Variants in PSEN1 observed in about 807,000 individuals in gnomAD.
PSEN1 encodes presenilin-1.
Under a neutral mutation model 53.5 loss-of-function variants are expected in PSEN1, and 15 were observed. The ratio of observed to expected loss-of-function variants is 0.28; its 90% CI spans 0.19 to 0.43. PSEN1 has a LOEUF of 0.43. PSEN1 is among the 20% of genes least tolerant of loss of function. The pLI, the probability that PSEN1 is intolerant of heterozygous loss-of-function variation, is 1.00. For missense variants in PSEN1, 387 were observed against 571.2 expected (o/e 0.68, Z 3.29); for synonymous variants, 208 against 209.8 (o/e 0.99, Z 0.08).
chr14:73,203,376 C>T (rs1899310773), intron 8 of PSEN1, among the ~76,000 whole-genome samples: 1 of 152,200 alleles, frequency 6.6e-6, no homozygotes, highest in Admixed American at 6.5e-5. Flanking sequence ...GCATGAGCCA[C>T]CGCACCTGGC....
At chr14:73,179,560 T>G (rs1251648027) in intron 5 of PSEN1, among the ~76,000 whole-genome samples, 1 of 152,120 alleles carries the variant, frequency 6.6e-6, no homozygotes, top group African/African-American at 2.4e-5. Flanking sequence ...GAGGTTGCAG[T>G]GAGCCAAGAT....
In PSEN1 at chr14:73,222,588, G is replaced by T. The variant is rs1436539726; in HGVS notation, c.*3299G>T. On this transcript the variant is annotated 3_prime_UTR_variant, in exon 12 of 12. Transcript: ENST00000324501. ...CTCAGAAACCACTATGAAAAAATTT[G>T]TTCAGTGTTTTCTGTGTTCCCGTAG... 1.3e-5 allele frequency: 2 copies of T among 152,218 alleles called. No individual in the cohort carries two copies. Among genetic ancestry groups the T allele is most frequent in the Non-Finnish European group, 2.9e-5 (2 of 68,044 alleles). 9.4% of individuals were successfully genotyped at this position (152,218 alleles called of 1,614,324 possible).
intron 4 of PSEN1, among the ~76,000 whole-genome samples, chr14:73,173,325 A>G (rs1191047361): frequency 1.3e-5 from 2 of 152,240 alleles, no homozygotes; most frequent in African/African-American, 4.8e-5. Flanking sequence ...AGATGGAGCC[A>G]GTGTCTGCTT....
chr14:73,192,888 G>T, intron 7 of PSEN1, 24 bp downstream of exon 7: 2 of 1,556,952 alleles, frequency 1.3e-6, no homozygotes, highest in Non-Finnish European at 1.8e-6. Context: ...CTGATAATTT[G>T]TTTGTCACAG....
At chr14:73,149,440 A>G (rs967498891) in intron 3 of PSEN1, among the ~76,000 whole-genome samples, 4 of 152,190 alleles carry the variant, frequency 2.6e-5, no homozygotes, top group African/African-American at 7.2e-5. Context: ...CAAGATCTGT[A>G]GAGGATTAGT....
chr14:73,141,936 G>A (rs562290636), intron 1 of PSEN1, among the ~76,000 whole-genome samples: 10 of 151,974 alleles, frequency 6.6e-5, no homozygotes, highest in Admixed American at 3.3e-4. Flanking sequence ...GCGTGGTGGC[G>A]GGCACCTGTA....
At chr14:73,197,898 A>C in intron 7 of PSEN1, 133 bp from the exon 8 acceptor site, 1 of 645,264 alleles carries the variant, frequency 1.5e-6, no homozygotes, top group Non-Finnish European at 2.8e-6. Context: ...TTTCATATTC[A>C]TTCAACGTCT....
In PSEN1 at chr14:73,155,954, G is replaced by A. The variant is rs149978366; in HGVS notation, c.87+7848G>A. 6.0e-3 allele frequency among the ~76,000 whole-genome samples: 909 copies of A among 152,286 alleles called. 12 individuals carry two copies. Among genetic ancestry groups the A allele is most frequent in the African/African-American group, 0.021 (860 of 41,542 alleles). The stretch of plus-strand genomic sequence containing the variant: ...TCTGTTGTAACGGTTTACCACAGTG[G>A]TGCAGGATGTTGATAGAGGCTGTTG... On this transcript the variant is annotated intron_variant, in intron 3 of 11. Transcript: ENST00000324501.
At chr14:73,202,433 TA>T (rs1899236462) in intron 8 of PSEN1, among the ~76,000 whole-genome samples, 3 of 12,704 alleles carry the variant, frequency 2.4e-4, no homozygotes, top group East Asian at 1.8e-3. Context: ...TATATATATA[TA>T]TATATATATA....
At chr14:73,188,004 C>T (rs926242258) in intron 6 of PSEN1, among the ~76,000 whole-genome samples, 5 of 152,036 alleles carry the variant, frequency 3.3e-5, no homozygotes, top group African/African-American at 9.7e-5. Flanking sequence ...TCTCGGCTCA[C>T]TGCAACCCCC....
intron 5 of PSEN1, among the ~76,000 whole-genome samples, chr14:73,183,002 G>A (rs1201836349): frequency 6.6e-6 from 1 of 152,140 alleles, no homozygotes; most frequent in African/African-American, 2.4e-5. Context: ...GAATCCCAGT[G>A]TACATCTCCC....
chr14:73,208,103 A>T (rs1344583221), intron 9 of PSEN1, among the ~76,000 whole-genome samples: 1 of 152,176 alleles, frequency 6.6e-6, no homozygotes, highest in Non-Finnish European at 1.5e-5. Context: ...AACCCCAAAG[A>T]GGGGGGTCAT....
intron 10 of PSEN1, among the ~76,000 whole-genome samples, chr14:73,216,530 G>A (rs1899921395): frequency 6.6e-6 from 1 of 152,138 alleles, no homozygotes; most frequent in Non-Finnish European, 1.5e-5. Context: ...GGAGGCCAAG[G>A]TGGGTGGATC....
chr14:73,208,102 G>A (rs1899527334), intron 9 of PSEN1, among the ~76,000 whole-genome samples: 1 of 152,224 alleles, frequency 6.6e-6, no homozygotes, highest in Admixed American at 6.5e-5. Flanking sequence ...GAACCCCAAA[G>A]AGGGGGGTCA....
intron 9 of PSEN1, among the ~76,000 whole-genome samples, chr14:73,211,408 A>G (rs935204428): frequency 2.6e-5 from 4 of 152,148 alleles, no homozygotes; most frequent in African/African-American, 9.7e-5. Context: ...TTTCCCAGGA[A>G]TCCCGGTGGA....
chr14:73,208,395 C>T lies in PSEN1; in HGVS notation c.955+1923C>T, dbSNP rs528192709. Reference sequence around the variant, plus strand: ...CAGGAGACCCTATCTGCAGGCAGGTCGTCCCATTGTCTCTGCAGCTCTCAG... The same window carrying T: ...CAGGAGACCCTATCTGCAGGCAGGTTGTCCCATTGTCTCTGCAGCTCTCAG... On this transcript the variant is annotated intron_variant, in intron 9 of 11. Coordinates refer to ENST00000324501, the MANE Select transcript of PSEN1 (RefSeq NM_000021.4). Among the ~76,000 whole-genome samples, 109 of 152,000 alleles carry T rather than the reference C, an allele frequency of 7.2e-4. 1 individual carries two copies. Among genetic ancestry groups the T allele is most frequent in the Middle Eastern group, 3.4e-3 (1 of 294 alleles).
chr14:73,163,960 T>C (rs932349439), intron 3 of PSEN1, among the ~76,000 whole-genome samples: 5 of 150,774 alleles, frequency 3.3e-5, no homozygotes, highest in African/African-American at 4.9e-5. Context: ...GGCTGTAGTG[T>C]GGAGAATGGA....
chr14:73,188,391 T>C (rs1478483395), intron 6 of PSEN1, among the ~76,000 whole-genome samples: 1 of 152,156 alleles, frequency 6.6e-6, no homozygotes, highest in Non-Finnish European at 1.5e-5. Flanking sequence ...TGGTGGCTCA[T>C]GTTTATAATC....
chr14:73,184,463 G>A (rs1274049895), intron 5 of PSEN1, among the ~76,000 whole-genome samples: 24 of 106,612 alleles, frequency 2.3e-4, no homozygotes, highest in Non-Finnish European at 2.0e-5. Context: ...CAGTAGGGGC[G>A]GCCGGGCAGA....
Sources: gnomAD v4.1 joint callset for allele counts (sites outside exome capture counted in the v4.1 genomes callset) on GRCh38, gnomAD v4.1.1 for gene constraint, MANE v1.5 for transcripts, NCBI Gene and HGNC (gene_info 2026-07-23, HGNC 2026-07-21) for gene names.